SNCAIP: variants seen among roughly 807,000 people sequenced by gnomAD.
SNCAIP encodes synuclein alpha interacting protein.
Under a neutral mutation model 86.7 loss-of-function variants are expected in SNCAIP, and 43 were observed. The observed-to-expected ratio is 0.50, with a 90% CI of 0.39 to 0.64. The LOEUF is 0.64. Among genes scored for constraint, SNCAIP ranks in the 30% least tolerant of loss-of-function variants. The probability of loss-of-function intolerance (pLI) is 0.00; values close to 1 mark genes in which losing one functional copy is unlikely to be tolerated. For missense variants in SNCAIP, 981 were observed against 1,103.1 expected, an observed-to-expected ratio of 0.89 and a Z score of 1.57; for synonymous variants, 417 against 427.2, an observed-to-expected ratio of 0.98 and a Z score of 0.29.
At chr5:122,396,017 C>A (rs1402238753) in intron 2 of SNCAIP, among the ~76,000 whole-genome samples, 1 of 152,098 alleles carries the variant, frequency 6.6e-6, no homozygotes, top group Admixed American at 6.6e-5. Flanking sequence ...TCGCCCTGTT[C>A]TTATCTATAT....
At chr5:122,430,152 T>G (rs558642370) in intron 5 of SNCAIP, among the ~76,000 whole-genome samples, 23 of 152,226 alleles carry the variant, frequency 1.5e-4, no homozygotes, top group African/African-American at 5.3e-4. Flanking sequence ...TTAGAATAAA[T>G]TTTTACCCTT....
rs758819177 is a variant in SNCAIP, at chr5:122,440,689, G to A, written c.1357G>A (p.Val453Ile). Residue 453 changes from valine (V) to isoleucine (I), a missense_variant, in exon 7 of 11, where the codon GTA becomes ATA. By Grantham distance (29) the Val-to-Ile change is conservative. Transcript: ENST00000261368. The part of the protein sequence containing the change: ...MQEQGISLDE[V>I]DQDGNSAVHV... ...AGAACAGGGCATCTCGTTGGATGAA[G>A]TAGACCAGGATGGCAACAGTGCCGT... 6 of 1,614,036 alleles carry A rather than the reference G, an allele frequency of 3.7e-6. No homozygotes were observed. Among genetic ancestry groups the A allele is most frequent in the Non-Finnish European group, 5.1e-6 (6 of 1,179,904 alleles).
intron 1 of SNCAIP, among the ~76,000 whole-genome samples, chr5:122,383,147 C>G (rs1767292484): frequency 6.6e-6 from 1 of 152,226 alleles, no homozygotes; most frequent in Non-Finnish European, 1.5e-5. Context: ...AGCCTCGCTG[C>G]AGCCTTGCAG....
At chr5:122,442,211 C>T (rs540721013) in intron 7 of SNCAIP, among the ~76,000 whole-genome samples, 2 of 148,528 alleles carry the variant, frequency 1.3e-5, no homozygotes, top group South Asian at 2.1e-4. Flanking sequence ...CTGAGGCCCT[C>T]CTGGGTGCAA....
chr5:122,350,489 G>A (rs1221346390), intron 1 of SNCAIP, among the ~76,000 whole-genome samples: 4 of 150,878 alleles, frequency 2.7e-5, no homozygotes, highest in Non-Finnish European at 5.9e-5. Flanking sequence ...CCTTACAAAG[G>A]GTTTACAAGG....
At chr5:122,345,077 GC>G (rs1201859842) in intron 1 of SNCAIP, among the ~76,000 whole-genome samples, 1 of 152,180 alleles carries the variant, frequency 6.6e-6, no homozygotes, top group Non-Finnish European at 1.5e-5. Flanking sequence ...AGAGAATGCA[GC>G]CTCTTCAGGC....
At chr5:122,386,048 C>T (rs775187098) in intron 1 of SNCAIP, among the ~76,000 whole-genome samples, 1 of 152,012 alleles carries the variant, frequency 6.6e-6, no homozygotes, top group African/African-American at 2.4e-5. Context: ...AATCAATGTG[C>T]CTTTTATGAG....
chr5:122,458,076 C>T (rs746697467), intron 10 of SNCAIP, among the ~76,000 whole-genome samples: 1 of 152,126 alleles, frequency 6.6e-6, no homozygotes, highest in Non-Finnish European at 1.5e-5. Context: ...GATTGCACCA[C>T]AAGAAGACAG....
At chr5:122,339,214 C>G (rs1349293132) in intron 1 of SNCAIP, among the ~76,000 whole-genome samples, 3 of 152,104 alleles carry the variant, frequency 2.0e-5, no homozygotes, top group Admixed American at 2.0e-4. Context: ...ATTTTTAGGA[C>G]ACTGAGTGGG....
chr5:122,328,084 A>G (rs1295852840), intron 1 of SNCAIP, among the ~76,000 whole-genome samples: 1 of 152,236 alleles, frequency 6.6e-6, no homozygotes, highest in Admixed American at 6.5e-5. Context: ...AGTAAAATGT[A>G]TAGTACAGAG....
intron 1 of SNCAIP, among the ~76,000 whole-genome samples, chr5:122,376,110 A>G (rs1231477947): frequency 6.6e-6 from 1 of 152,154 alleles, no homozygotes; most frequent in Non-Finnish European, 1.5e-5. Context: ...GTCTGTTTTA[A>G]TAAGCCATCT....
At chr5:122,333,411 A>G (rs533191793) in intron 1 of SNCAIP, among the ~76,000 whole-genome samples, 13 of 152,230 alleles carry the variant, frequency 8.5e-5, no homozygotes, top group Non-Finnish European at 1.6e-4. Context: ...GCTAGGTTTT[A>G]CTACCGCCTG....
At chr5:122,415,493 T>A (rs1007425241) in intron 3 of SNCAIP, among the ~76,000 whole-genome samples, 8 of 152,228 alleles carry the variant, frequency 5.3e-5, no homozygotes, top group Non-Finnish European at 8.8e-5. Flanking sequence ...TGTCTTGGTG[T>A]CTAAAGCTAA....
intron 1 of SNCAIP, among the ~76,000 whole-genome samples, chr5:122,387,493 C>T (rs1340323001): frequency 3.3e-5 from 5 of 152,142 alleles, no homozygotes; most frequent in Admixed American, 2.6e-4. Context: ...TTCTGGAAAG[C>T]GTAAAAAATG....
intron 10 of SNCAIP, chr5:122,451,869 T>C: frequency 5.0e-6 from 2 of 396,932 alleles, no homozygotes; most frequent in Non-Finnish European, 4.6e-6. Context: ...TTTCCCTAAA[T>C]GGCCTAATCT....
At chr5:122,368,398 T>G (rs1299541865) in intron 1 of SNCAIP, among the ~76,000 whole-genome samples, 2 of 152,150 alleles carry the variant, frequency 1.3e-5, no homozygotes, top group Non-Finnish European at 2.9e-5. Flanking sequence ...ATTTTCAAAT[T>G]CTGTCATCCT....
At chr5:122,444,383 C>T (rs968961721) in intron 7 of SNCAIP, 180 bp from the exon 8 acceptor site, 62 of 665,864 alleles carry the variant, frequency 9.3e-5, no homozygotes, top group Middle Eastern at 6.3e-4. Context: ...TGCAGATGAG[C>T]ATTGATAGTA....
At chr5:122,351,656 A>T (rs1759881226) in intron 1 of SNCAIP, among the ~76,000 whole-genome samples, 1 of 150,614 alleles carries the variant, frequency 6.6e-6, no homozygotes, top group Non-Finnish European at 1.5e-5. Context: ...ATTTAATGTC[A>T]TTAGGACCCA....
At position 122,358,356 on chromosome 5, in the gene SNCAIP, TC is replaced by T. The variant is rs370220606; in HGVS notation, c.-46-32727del. On this transcript the variant is annotated intron_variant, in intron 1 of 10. Transcript: ENST00000261368. Reference sequence around the variant, plus strand: ...ATCTCCTAATGCTATCCCTCCCCCCTCCCCCCACCCCACAATAGGCCCTGTA... The same window carrying T: ...ATCTCCTAATGCTATCCCTCCCCCCTCCCCCACCCCACAATAGGCCCTGTA... Among the ~76,000 whole-genome samples the T allele has an allele frequency of 9.3e-3, 751 of 81,176 alleles. 3 individuals carry two copies. Among genetic ancestry groups the T allele is most frequent in the East Asian group, 0.055 (130 of 2,370 alleles). 53.3% of individuals were successfully genotyped at this position (81,176 alleles called of 152,430 possible). A position where few individuals can be genotyped will look rare whatever the true frequency, so the allele number is the denominator to read the frequency against.
Sources: gnomAD v4.1 joint callset for allele counts (sites outside exome capture counted in the v4.1 genomes callset) on GRCh38, gnomAD v4.1.1 for gene constraint, MANE v1.5 for transcripts, NCBI Gene and HGNC (gene_info 2026-07-23, HGNC 2026-07-21) for gene names.